The following GRM3 variants were observed in gnomAD, a reference collection of about 807,000 sequenced individuals.
GRM3 encodes metabotropic glutamate receptor 3.
Under a neutral mutation model 70.5 loss-of-function variants are expected in GRM3, and 26 were observed. That is an observed-to-expected ratio of 0.37 (90% CI 0.27 to 0.51). The LOEUF (loss-of-function observed/expected upper bound fraction) is 0.51. Ranked by LOEUF, GRM3 falls within the 20% of genes least tolerant of loss-of-function variation. The pLI, the probability that GRM3 is intolerant of heterozygous loss-of-function variation, is 0.93. For missense variants in GRM3, 859 were observed against 1,123.8 expected, an observed-to-expected ratio of 0.76 and a Z score of 3.37; for synonymous variants, 443 against 434.9, an observed-to-expected ratio of 1.02 and a Z score of -0.23.
At chr7:86,828,209 G>A (rs10226401) in intron 3 of GRM3, among the ~76,000 whole-genome samples, 1 of 150,764 alleles carries the variant, frequency 6.6e-6, no homozygotes, top group African/African-American at 2.4e-5. Flanking sequence ...CTTATGAAAA[G>A]GTGCTCAATA....
chr7:86,689,204 TTC>T (rs1270424873), intron 1 of GRM3, among the ~76,000 whole-genome samples: 1 of 151,604 alleles, frequency 6.6e-6, no homozygotes, highest in Non-Finnish European at 1.5e-5. Context: ...ATCTAAAGAT[TTC>T]AAGGTAAAAA....
intron 5 of GRM3, among the ~76,000 whole-genome samples, chr7:86,861,814 T>C (rs534798559): frequency 6.6e-6 from 1 of 152,326 alleles, no homozygotes; most frequent in African/African-American, 2.4e-5. Flanking sequence ...AGTGCATATG[T>C]AGGTGACTTG....
intron 1 of GRM3, among the ~76,000 whole-genome samples, chr7:86,754,398 A>G (rs1263874004): frequency 6.6e-6 from 1 of 152,178 alleles, no homozygotes; most frequent in Non-Finnish European, 1.5e-5. Flanking sequence ...GGTTTAATAT[A>G]TCAGATGACT....
intron 1 of GRM3, among the ~76,000 whole-genome samples, chr7:86,670,616 G>A (rs1794146338): frequency 6.6e-6 from 1 of 152,156 alleles, no homozygotes; most frequent in Non-Finnish European, 1.5e-5. Context: ...CTTCTTGACT[G>A]TTGTATTACT....
intron 3 of GRM3, among the ~76,000 whole-genome samples, chr7:86,832,481 C>G (rs1260424198): frequency 2.6e-5 from 4 of 152,108 alleles, no homozygotes; most frequent in African/African-American, 9.6e-5. Context: ...GAACTCCTGA[C>G]CTCAGATGAT....
intron 1 of GRM3, among the ~76,000 whole-genome samples, chr7:86,730,699 G>A (rs1795713318): frequency 1.3e-5 from 2 of 152,070 alleles, no homozygotes; most frequent in African/African-American, 4.8e-5. Context: ...AAAATAGGCC[G>A]TTTTGCATGC....
At chr7:86,686,266 T>A (rs1794565602) in intron 1 of GRM3, among the ~76,000 whole-genome samples, 1 of 152,104 alleles carries the variant, frequency 6.6e-6, no homozygotes, top group South Asian at 2.1e-4. Context: ...CAGAGCTCAA[T>A]CAGAATGAAA....
intron 3 of GRM3, among the ~76,000 whole-genome samples, chr7:86,822,507 G>T (rs555084477): frequency 2.6e-5 from 4 of 152,106 alleles, no homozygotes; most frequent in Admixed American, 1.3e-4. Context: ...GGCATATAAA[G>T]CAGAGAACAA....
At chr7:86,773,120 G>A (rs1435882165) in intron 2 of GRM3, among the ~76,000 whole-genome samples, 1 of 151,974 alleles carries the variant, frequency 6.6e-6, no homozygotes, top group Non-Finnish European at 1.5e-5. Flanking sequence ...ATAGTATCCA[G>A]TGGGTAGCTT....
chr7:86,673,539 C>T (rs1279338821), intron 1 of GRM3, among the ~76,000 whole-genome samples: 1 of 152,110 alleles, frequency 6.6e-6, no homozygotes, highest in Middle Eastern at 3.2e-3. Flanking sequence ...CCTGTTTATG[C>T]CAACTGCTTC....
At chr7:86,745,997 C>T (rs1337201970) in intron 1 of GRM3, among the ~76,000 whole-genome samples, 3 of 151,948 alleles carry the variant, frequency 2.0e-5, no homozygotes, top group Non-Finnish European at 2.9e-5. Context: ...TGTCTAATCC[C>T]ATGCCTAGGA....
chr7:86,740,880 A>G (rs1795973454), intron 1 of GRM3, among the ~76,000 whole-genome samples: 1 of 152,172 alleles, frequency 6.6e-6, no homozygotes, highest in Non-Finnish European at 1.5e-5. Flanking sequence ...TTCCTGTGGT[A>G]GTCTATTACT....
intron 3 of GRM3, among the ~76,000 whole-genome samples, chr7:86,789,839 T>C (rs1447195911): frequency 6.6e-6 from 1 of 152,238 alleles, no homozygotes; most frequent in Non-Finnish European, 1.5e-5. Flanking sequence ...GTGTTCCCAC[T>C]AGCTAATTCC....
At chr7:86,837,291 C>G (rs1274990213) in intron 3 of GRM3, among the ~76,000 whole-genome samples, 5 of 152,102 alleles carry the variant, frequency 3.3e-5, no homozygotes, top group African/African-American at 9.7e-5. Flanking sequence ...ATTGAAGGAT[C>G]CTTTTAGCCC....
chr7:86,864,111 G>C (rs948896736), intron 5 of GRM3, among the ~76,000 whole-genome samples, 171 bp from the exon 6 acceptor site: 1 of 148,716 alleles, frequency 6.7e-6, no homozygotes, highest in Non-Finnish European at 1.5e-5. Flanking sequence ...TGAGATTTTG[G>C]TGCACCCATC....
rs540810552 is a variant in GRM3, at chr7:86,652,997, G to GACTGCTAT, written c.-141+8127_-141+8134dup. ...AAACATTGTTGTCTTAGTCTGCTCA[G>GACTGCTAT]ACTGCTATAATGAAATACCATAGAC... On this transcript the variant is annotated intron_variant, in intron 1 of 5. Transcript: ENST00000361669. Among the ~76,000 whole-genome samples the GACTGCTAT allele has an allele frequency of 4.5e-3, 684 of 152,320 alleles. 3 individuals carry two copies. The highest frequency in any genetic ancestry group is 7.6e-3 in the Non-Finnish European group (515 of 68,032).
intron 1 of GRM3, among the ~76,000 whole-genome samples, chr7:86,645,426 T>C (rs1350247073): frequency 2.0e-5 from 3 of 152,182 alleles, no homozygotes; most frequent in African/African-American, 7.2e-5. Flanking sequence ...TCACTGCCCT[T>C]TGCTCCTTTT....
At chr7:86,684,611 A>G (rs1794517712) in intron 1 of GRM3, among the ~76,000 whole-genome samples, 1 of 152,204 alleles carries the variant, frequency 6.6e-6, no homozygotes, top group Non-Finnish European at 1.5e-5. Flanking sequence ...TGTGTCTTCC[A>G]TTATCCCTCT....
intron 1 of GRM3, among the ~76,000 whole-genome samples, chr7:86,671,002 G>A (rs1794157425): frequency 1.3e-5 from 2 of 152,158 alleles, no homozygotes; most frequent in South Asian, 4.1e-4. Flanking sequence ...TAGCTTTCAT[G>A]AAATATGTTT....
Sources: allele counts gnomAD v4.1 joint callset (sites outside exome capture counted in the v4.1 genomes callset), GRCh38; gene constraint gnomAD v4.1.1; transcripts MANE v1.5; gene names NCBI Gene and HGNC (gene_info 2026-07-23, HGNC 2026-07-21).